DENND2C: variants seen among roughly 807,000 people sequenced by gnomAD.
DENND2C encodes DENN domain-containing protein 2C.
Under a neutral mutation model 112.4 loss-of-function variants are expected in DENND2C, and 72 were observed. The observed-to-expected ratio is 0.64, with a 90% CI of 0.53 to 0.78. DENND2C has a LOEUF of 0.78. DENND2C is among the 30% of genes least tolerant of loss of function. The pLI is 0.00. For missense variants in DENND2C, 992 were observed against 1,113.8 expected (o/e 0.89, Z 1.56); for synonymous variants, 329 against 381.6 (o/e 0.86, Z 1.61).
At chr1:114,647,171 AAGAG>A (rs1422120217) in intron 2 of DENND2C, among the ~76,000 whole-genome samples, 12 of 151,206 alleles carry the variant, frequency 7.9e-5, no homozygotes, top group Middle Eastern at 3.2e-3. Context: ...TAAAAAAAAA[AAGAG>A]AGAGAGAGAG....
intron 10 of DENND2C, among the ~76,000 whole-genome samples, chr1:114,608,149 C>T (rs222500): frequency 0.57 from 86,711 of 151,808 alleles, 25,252 homozygotes; most frequent in African/African-American, 0.66. Flanking sequence ...TGGTGGCACA[C>T]GCCTGTAGTC....
rs1176448227 is a variant in DENND2C, at chr1:114,605,164, T to A, written c.1558-133A>T. On this transcript the variant is annotated intron_variant, in intron 10 of 20. Coordinates refer to ENST00000393274, the MANE Select transcript of DENND2C (RefSeq NM_001256404.2). ...TAGTTGCTGATAAGCCTCAGCATGG[T>A]TTTGTACTGCTTAACTAAATTAAAA... 6.8e-6 allele frequency: 4 copies of A among 586,614 alleles called. No homozygotes were observed. The East Asian group carries it at 8.7e-5, about 13-fold the overall frequency. The allele number at this position is 586,614 out of a possible 1,614,324, so 36.3% of individuals were successfully genotyped here. A position where few individuals can be genotyped will look rare whatever the true frequency, so the allele number is the denominator to read the frequency against.
intron 8 of DENND2C, among the ~76,000 whole-genome samples, chr1:114,614,293 G>A (rs74614272): frequency 0.026 from 3,875 of 151,696 alleles, 178 homozygotes; most frequent in African/African-American, 0.088. Context: ...AACTCTAGCA[G>A]GGACTTCACA....
chr1:114,595,795 T>C, intron 17 of DENND2C, 37 bp downstream of exon 17: 1 of 1,577,472 alleles, frequency 6.3e-7, no homozygotes, highest in Non-Finnish European at 8.7e-7. Context: ...TAGACATTTA[T>C]CCTAAAACAT....
intron 2 of DENND2C, among the ~76,000 whole-genome samples, chr1:114,646,804 A>T (rs898808417): frequency 6.6e-6 from 1 of 152,144 alleles, no homozygotes; most frequent in Non-Finnish European, 1.5e-5. Flanking sequence ...ATGAGTCCAT[A>T]ATAAGGTATT....
rs1181492190 is a variant in DENND2C at position 114,587,479 on chromosome 1, A to C, written c.2669-6T>G. On this transcript the variant is annotated splice_region_variant and splice_polypyrimidine_tract_variant and intron_variant, in intron 19 of 20. Coordinates refer to ENST00000393274, the MANE Select transcript of DENND2C (RefSeq NM_001256404.2). ...GGCCCGGATCTCAAACAAACCTACA[A>C]GGAAAAACTCATGTTGGTGAAACTG... The C allele has an allele frequency of 6.2e-7, 1 of 1,614,170 alleles. No homozygotes were observed. The highest frequency in any genetic ancestry group is 8.5e-7 in the Non-Finnish European group (1 of 1,180,008).
At chr1:114,633,567 T>A (rs951608420) in intron 3 of DENND2C, among the ~76,000 whole-genome samples, 3 of 151,706 alleles carry the variant, frequency 2.0e-5, no homozygotes, top group Non-Finnish European at 4.4e-5. Context: ...GAAAGTGATG[T>A]GTTAAAGTTG....
At position 114,602,211 on chromosome 1, in the gene DENND2C, T is replaced by G; in HGVS notation, c.1668-17A>C. 6.2e-7 allele frequency: 1 copy of G among 1,612,264 alleles called. No homozygotes were observed. The highest frequency in any genetic ancestry group is 1.1e-5 in the South Asian group (1 of 90,738). ...AATGTTTCACTGAAAAAAGAGCCAA[T>G]AGTTAGTTTAGGATCCAAACAATTA... is the stretch of plus-strand genomic sequence containing the variant. On this transcript the variant is annotated splice_polypyrimidine_tract_variant and intron_variant, in intron 11 of 20. Transcript: ENST00000393274.
intron 3 of DENND2C, among the ~76,000 whole-genome samples, chr1:114,643,025 C>T (rs150727726): frequency 3.9e-4 from 59 of 152,140 alleles, no homozygotes; most frequent in African/African-American, 1.4e-3. Flanking sequence ...ATAGCAAATA[C>T]CTGTGTATGT....
intron 9 of DENND2C, among the ~76,000 whole-genome samples, chr1:114,610,175 G>C (rs770588156): frequency 1.1e-4 from 17 of 152,170 alleles, no homozygotes; most frequent in Non-Finnish European, 1.8e-4. Flanking sequence ...ATAGGAAGTA[G>C]ATAACTTGCT....
rs1012411083 is a variant in DENND2C, at chr1:114,593,064, T to G, written c.2431+1409A>C. The stretch of plus-strand genomic sequence containing the variant: ...CCCAGGCTAGTTTGGAATTCCTAGG[T>G]TCAAGCAATCCTCCTGCCTTGGCCT... On this transcript the variant is annotated intron_variant, in intron 18 of 20. Coordinates refer to ENST00000393274, the MANE Select transcript of DENND2C (RefSeq NM_001256404.2). Among the ~76,000 whole-genome samples, 4 of 152,202 alleles carry G rather than the reference T, an allele frequency of 2.6e-5. No homozygotes were observed. In the East Asian group the frequency reaches 7.7e-4, roughly 29 times the overall value.
intron 9 of DENND2C, among the ~76,000 whole-genome samples, chr1:114,609,553 A>G (rs1366904536): frequency 1.3e-5 from 2 of 152,240 alleles, no homozygotes; most frequent in Admixed American, 1.3e-4. Flanking sequence ...TCATAGCAAT[A>G]CCAATTAAAA....
intron 15 of DENND2C, among the ~76,000 whole-genome samples, chr1:114,599,668 G>A (rs1284065287): frequency 6.6e-6 from 1 of 152,040 alleles, no homozygotes; most frequent in African/African-American, 2.4e-5. Flanking sequence ...AATTTCTCAT[G>A]CGAAAAATTA....
chr1:114,591,359 T>G (rs1655185673), intron 18 of DENND2C, among the ~76,000 whole-genome samples: 3 of 152,232 alleles, frequency 2.0e-5, no homozygotes, highest in Admixed American at 6.5e-5. Context: ...AATGATGTAG[T>G]GAGGTTGCAT....
rs193275789 is a variant in DENND2C at position 114,626,026 on chromosome 1, G to T, written c.-42C>A. 9 of 1,512,700 alleles carry T rather than the reference G, an allele frequency of 5.9e-6. No homozygotes were observed. The highest frequency in any genetic ancestry group is 5.6e-5 in the African/African-American group (4 of 71,862). 93.7% of individuals were successfully genotyped at this position (1,512,700 alleles called of 1,614,324 possible). A position where few individuals can be genotyped will look rare whatever the true frequency, so the allele number is the denominator to read the frequency against. ...ATGACAAGTGATGAATCTTACAAAG[G>T]TTCCATTACAAGTAAATGTGAAATA... On this transcript the variant is annotated 5_prime_UTR_variant, in exon 4 of 21. Coordinates refer to ENST00000393274, the MANE Select transcript of DENND2C (RefSeq NM_001256404.2).
chr1:114,599,165 A>G (rs759743718), intron 16 of DENND2C, 109 bp downstream of exon 16: 1 of 723,208 alleles, frequency 1.4e-6, no homozygotes, highest in Non-Finnish European at 2.0e-6. Context: ...GAAATATTAT[A>G]AATAGCATAA....
intron 7 of DENND2C, among the ~76,000 whole-genome samples, chr1:114,620,698 T>A (rs1455476473): frequency 6.6e-6 from 1 of 152,136 alleles, no homozygotes; most frequent in African/African-American, 2.4e-5. Context: ...AAAATATTCC[T>A]CATGATGCAC....
chr1:114,617,990 ATT>A (rs11284335), intron 8 of DENND2C, among the ~76,000 whole-genome samples: 64 of 144,444 alleles, frequency 4.4e-4, no homozygotes, highest in South Asian at 1.1e-3. Flanking sequence ...AGTAAACCAA[ATT>A]TTTTTTTTTT....
chr1:114,588,202 G>C (rs1398539072), intron 18 of DENND2C, among the ~76,000 whole-genome samples: 1 of 152,116 alleles, frequency 6.6e-6, no homozygotes, highest in East Asian at 1.9e-4. Context: ...CACATCTGTT[G>C]ATTTCATTTT....
Sources: gnomAD v4.1 joint callset for allele counts (sites outside exome capture counted in the v4.1 genomes callset) on GRCh38, gnomAD v4.1.1 for gene constraint, MANE v1.5 for transcripts, NCBI Gene and HGNC (gene_info 2026-07-23, HGNC 2026-07-21) for gene names.